The following LRRC4C variants were observed in gnomAD, a reference collection of about 807,000 sequenced individuals.
LRRC4C encodes the protein leucine-rich repeat-containing protein 4C.
LRRC4C carries 5 observed loss-of-function variants against 33.6 expected under a neutral mutation model. The observed-to-expected ratio is 0.15, with a 90% CI of 0.08 to 0.31. The LOEUF (loss-of-function observed/expected upper bound fraction) is 0.31. Ranked by LOEUF, LRRC4C falls within the 10% of genes least tolerant of loss-of-function variation. LRRC4C has a pLI of 1.00. For missense variants in LRRC4C, 560 were observed against 796.7 expected, an observed-to-expected ratio of 0.70 and a Z score of 3.58; for synonymous variants, 329 against 302.0, an observed-to-expected ratio of 1.09 and a Z score of -0.93.
chr11:40,758,525 G>A (rs372872624), intron 2 of LRRC4C, among the ~76,000 whole-genome samples: 26 of 152,086 alleles, frequency 1.7e-4, no homozygotes, highest in Non-Finnish European at 3.1e-4. Flanking sequence ...ATTTGTTTCC[G>A]GTTTTTGTGT....
rs1957680078 is a variant in LRRC4C, at chr11:40,564,567, C to A, written c.-270+83575G>T. 2.0e-5 allele frequency among the ~76,000 whole-genome samples: 3 copies of A among 152,148 alleles called. No individual in the cohort carries two copies. In the South Asian group the frequency reaches 6.2e-4, roughly 32 times the overall value. On this transcript the variant is annotated intron_variant, in intron 3 of 6. Transcript: ENST00000528697. ...AGCCAGGGGAGTGATGGGGATTGCG[C>A]CAAATGCCAATTCCAATCATACACT... is the stretch of plus-strand genomic sequence containing the variant.
In LRRC4C at chr11:41,167,882, GACTA is replaced by G. The variant is rs537322145; in HGVS notation, c.-495-234163_-495-234160del. The stretch of plus-strand genomic sequence containing the variant: ...TGTGGAGAGGTGATTCAAGTAATTT[GACTA>G]ACTAATCAACAGGAGATTATTTCTC... On this transcript the variant is annotated intron_variant, in intron 1 of 6. Transcript: ENST00000528697. Among the ~76,000 whole-genome samples, 7 of 152,218 alleles carry G rather than the reference GACTA, an allele frequency of 4.6e-5. No individual in the cohort carries two copies. In the East Asian group the frequency reaches 1.2e-3, roughly 25 times the overall value.
At chr11:40,468,596 G>C (rs542195796) in intron 3 of LRRC4C, among the ~76,000 whole-genome samples, 1 of 152,048 alleles carries the variant, frequency 6.6e-6, no homozygotes, top group African/African-American at 2.4e-5. Context: ...GCTTAAAGGC[G>C]TGTGTGTGAG....
intron 1 of LRRC4C, among the ~76,000 whole-genome samples, chr11:41,416,240 C>G (rs1954675418): frequency 6.6e-6 from 1 of 152,016 alleles, no homozygotes; most frequent in Non-Finnish European, 1.5e-5. Context: ...CCCCTACTCA[C>G]ACTTCCCACC....
intron 2 of LRRC4C, among the ~76,000 whole-genome samples, chr11:40,829,818 T>C (rs1336579546): frequency 6.6e-6 from 1 of 152,038 alleles, no homozygotes; most frequent in Non-Finnish European, 1.5e-5. Flanking sequence ...CTAAAAATAG[T>C]GTAATTCCTG....
In LRRC4C at chr11:40,877,268, G is replaced by A. The variant is rs150427600; in HGVS notation, c.-407+56367C>T. Among the ~76,000 whole-genome samples the A allele has an allele frequency of 2.5e-3, 387 of 152,068 alleles. 1 individual carries two copies. Among genetic ancestry groups the A allele is most frequent in the African/African-American group, 9.0e-3 (373 of 41,496 alleles). On this transcript the variant is annotated intron_variant, in intron 2 of 6. Transcript: ENST00000528697. ...AGTTGTTCTGTCCGTATGCACATAC[G>A]GACACAAAATGACCAATTCAGTTTT...
intron 3 of LRRC4C, among the ~76,000 whole-genome samples, chr11:40,565,797 A>C (rs1229812327): frequency 6.6e-6 from 1 of 152,104 alleles, no homozygotes; most frequent in Non-Finnish European, 1.5e-5. Context: ...AGTCTCATAA[A>C]ATTCTGGCTT....
At chr11:40,733,226 C>CAA (rs1457033812) in intron 2 of LRRC4C, among the ~76,000 whole-genome samples, 5 of 151,514 alleles carry the variant, frequency 3.3e-5, no homozygotes, top group African/African-American at 7.3e-5. Flanking sequence ...CAGGCGCCTG[C>CAA]CACCACACCC....
intron 1 of LRRC4C, among the ~76,000 whole-genome samples, chr11:41,408,358 T>G (rs528395622): frequency 1.3e-5 from 2 of 152,306 alleles, no homozygotes; most frequent in South Asian, 4.1e-4. Flanking sequence ...TTTGTGCACC[T>G]TGAAGAAGTA....
intron 1 of LRRC4C, among the ~76,000 whole-genome samples, chr11:40,950,298 G>A (rs796393447): frequency 2.0e-4 from 30 of 152,010 alleles, no homozygotes; most frequent in African/African-American, 6.7e-4. Context: ...CTAGGAAACT[G>A]GCAACATGAA....
intron 3 of LRRC4C, among the ~76,000 whole-genome samples, chr11:40,508,426 A>G (rs778632017): frequency 2.0e-5 from 3 of 152,200 alleles, no homozygotes; most frequent in Non-Finnish European, 2.9e-5. Context: ...TTTATAATGT[A>G]GTACAGTGTA....
intron 2 of LRRC4C, among the ~76,000 whole-genome samples, chr11:40,828,921 A>C (rs947146146): frequency 6.6e-6 from 1 of 151,964 alleles, no homozygotes; most frequent in African/African-American, 2.4e-5. Flanking sequence ...AATTATTTAA[A>C]ATCTTTTTTC....
intron 1 of LRRC4C, among the ~76,000 whole-genome samples, chr11:41,016,881 C>A (rs1279022811): frequency 6.6e-6 from 1 of 152,116 alleles, no homozygotes; most frequent in Non-Finnish European, 1.5e-5. Flanking sequence ...CATTAGGTGC[C>A]ATTTAATTAA....
intron 3 of LRRC4C, among the ~76,000 whole-genome samples, chr11:40,472,094 G>A (rs1389436396): frequency 3.3e-5 from 5 of 150,392 alleles, no homozygotes; most frequent in Admixed American, 6.7e-5. Context: ...TGGCTAACAT[G>A]GTGAAACCCT....
At chr11:40,495,458 A>G (rs1348626726) in intron 3 of LRRC4C, among the ~76,000 whole-genome samples, 1 of 152,172 alleles carries the variant, frequency 6.6e-6, no homozygotes, top group East Asian at 1.9e-4. Flanking sequence ...CAGGAGTGAC[A>G]CTTACCTAAG....
rs371672951 is a variant in LRRC4C, at chr11:41,459,572, A to G, written c.-637T>C. The G allele has an allele frequency of 6.6e-6, 1 of 151,900 alleles. No homozygotes were observed. Among genetic ancestry groups the G allele is most frequent in the South Asian group, 2.1e-4 (1 of 4,820 alleles). 9.4% of individuals were successfully genotyped at this position (151,900 alleles called of 1,614,324 possible). On this transcript the variant is annotated 5_prime_UTR_variant, in exon 1 of 7. Coordinates refer to ENST00000528697, the MANE Select transcript of LRRC4C (RefSeq NM_001258419.2). ...TAATCAGTTTTCAAAGGTTCCATGT[A>G]TCTGATCTTCCAGCACCAGCAAAAA...
chr11:40,542,058 C>CTTTCTTTCTTTA (rs754854321), intron 3 of LRRC4C, among the ~76,000 whole-genome samples: 2 of 150,368 alleles, frequency 1.3e-5, no homozygotes, highest in Non-Finnish European at 1.5e-5. Context: ...TTCTCTCTTT[C>CTTTCTTTCTTTA]TTTCTTTCTC....
At chr11:40,898,792 C>A (rs2136172364) in intron 2 of LRRC4C, among the ~76,000 whole-genome samples, 1 of 151,658 alleles carries the variant, frequency 6.6e-6, no homozygotes, top group African/African-American at 2.4e-5. Context: ...AAAACATTAA[C>A]CAACCACTCG....
intron 1 of LRRC4C, among the ~76,000 whole-genome samples, chr11:41,346,094 C>T (rs921128291): frequency 3.3e-5 from 5 of 152,124 alleles, no homozygotes; most frequent in South Asian, 2.1e-4. Context: ...ATGTTTACCA[C>T]CAAAATTTCA....
Sources: allele counts gnomAD v4.1 joint callset (sites outside exome capture counted in the v4.1 genomes callset), GRCh38; gene constraint gnomAD v4.1.1; transcripts MANE v1.5; gene names NCBI Gene and HGNC (gene_info 2026-07-23, HGNC 2026-07-21).